The following ENOX1 variants were observed in gnomAD, a reference collection of about 807,000 sequenced individuals.
ENOX1 encodes candidate growth-related and time keeping constitutive hydroquinone (NADH) oxidase.
In ENOX1, 42 loss-of-function variants were observed where a neutral mutation model predicts 82.5. That is an observed-to-expected ratio of 0.51 (90% CI 0.40 to 0.66). The LOEUF (loss-of-function observed/expected upper bound fraction) is 0.66. Among genes scored for constraint, ENOX1 ranks in the 30% least tolerant of loss-of-function variants. ENOX1 has a pLI of 0.00. For missense variants in ENOX1, 608 were observed against 811.6 expected, an observed-to-expected ratio of 0.75 and a Z score of 3.05; for synonymous variants, 271 against 282.2, an observed-to-expected ratio of 0.96 and a Z score of 0.40.
At chr13:43,571,154 G>A (rs1162534367) in intron 2 of ENOX1, among the ~76,000 whole-genome samples, 3 of 152,192 alleles carry the variant, frequency 2.0e-5, no homozygotes, top group Non-Finnish European at 1.5e-5. Flanking sequence ...GCCTGCCACA[G>A]CAGAGGAGGA....
intron 1 of ENOX1, among the ~76,000 whole-genome samples, chr13:43,687,506 G>C (rs534691764): frequency 2.0e-5 from 3 of 152,232 alleles, no homozygotes; most frequent in African/African-American, 7.2e-5. Context: ...TACCCACCAA[G>C]CCAGCCTATT....
intron 3 of ENOX1, among the ~76,000 whole-genome samples, chr13:43,483,273 G>T (rs1055320464): frequency 2.5e-4 from 38 of 152,178 alleles, no homozygotes; most frequent in African/African-American, 9.2e-4. Flanking sequence ...TTTGAAAGAT[G>T]CATGGACTGA....
At chr13:43,715,821 C>G (rs1391287225) in intron 1 of ENOX1, among the ~76,000 whole-genome samples, 7 of 151,858 alleles carry the variant, frequency 4.6e-5, no homozygotes, top group Non-Finnish European at 8.8e-5. Context: ...GCTCCATCAG[C>G]TCCTTTAAGG....
chr13:43,303,910 C>A (rs768103523), intron 11 of ENOX1, among the ~76,000 whole-genome samples: 37 of 152,330 alleles, frequency 2.4e-4, no homozygotes, highest in Non-Finnish European at 3.8e-4. Context: ...ACTTTGAGAG[C>A]CACTGCTCAG....
intron 2 of ENOX1, among the ~76,000 whole-genome samples, chr13:43,658,201 T>G (rs1287584837): frequency 6.6e-6 from 1 of 152,244 alleles, no homozygotes; most frequent in Non-Finnish European, 1.5e-5. Context: ...TATTTGAAGT[T>G]TTATATCTAC....
Position 43,358,373 on chromosome 13 carries a change from C to T in ENOX1, c.589+1478G>A, listed in dbSNP as rs551515723. On this transcript the variant is annotated intron_variant, in intron 7 of 16. Transcript: ENST00000690772. ...AAATGTGTATCCAAAACACAGCATT[C>T]GAGGGATGTGAAACCCACATATTTG... Among the ~76,000 whole-genome samples the T allele has an allele frequency of 7.1e-5, 10 of 140,360 alleles. No individual in the cohort carries two copies. In the East Asian group the frequency reaches 1.7e-3, roughly 24 times the overall value. The allele number at this position is 140,360 out of a possible 152,430, so 92.1% of individuals were successfully genotyped here. A position where few individuals can be genotyped will look rare whatever the true frequency, so the allele number is the denominator to read the frequency against.
chr13:43,280,452 G>T (rs1002632793), intron 12 of ENOX1, among the ~76,000 whole-genome samples: 8 of 152,238 alleles, frequency 5.3e-5, no homozygotes, highest in African/African-American at 1.9e-4. Flanking sequence ...CTCTTTGGTT[G>T]CAGGTTTAGG....
intron 14 of ENOX1, among the ~76,000 whole-genome samples, chr13:43,248,095 C>T (rs2043241497): frequency 2.0e-5 from 3 of 150,418 alleles, no homozygotes; most frequent in South Asian, 4.3e-4. Context: ...CCGTGTTAGC[C>T]GGGATGGTCT....
intron 14 of ENOX1, among the ~76,000 whole-genome samples, chr13:43,243,166 T>C: frequency 6.8e-6 from 1 of 147,646 alleles, no homozygotes. Context: ...AAAATCTGAG[T>C]CCAGGTCCTT....
intron 2 of ENOX1, among the ~76,000 whole-genome samples, chr13:43,636,866 C>T (rs941717323): frequency 3.9e-5 from 6 of 152,074 alleles, no homozygotes; most frequent in Non-Finnish European, 7.4e-5. Flanking sequence ...GAAGAAGAGA[C>T]GGTAGGCAGG....
At chr13:43,361,860 G>T (rs971197883) in intron 5 of ENOX1, among the ~76,000 whole-genome samples, 1 of 151,808 alleles carries the variant, frequency 6.6e-6, no homozygotes, top group Non-Finnish European at 1.5e-5. Flanking sequence ...AATTGTCAAC[G>T]TGGTTTCATC....
At chr13:43,386,220 A>C (rs920896372) in intron 5 of ENOX1, among the ~76,000 whole-genome samples, 3 of 152,184 alleles carry the variant, frequency 2.0e-5, no homozygotes, top group African/African-American at 7.2e-5. Flanking sequence ...TTCTTTAAAC[A>C]ACAACAACAA....
chr13:43,325,720 T>A (rs1239455317), intron 10 of ENOX1, among the ~76,000 whole-genome samples: 1 of 152,198 alleles, frequency 6.6e-6, no homozygotes, highest in Non-Finnish European at 1.5e-5. Context: ...AAAGACAGTA[T>A]ACTTACTTTT....
chr13:43,603,236 T>C (rs1214861089), intron 2 of ENOX1, among the ~76,000 whole-genome samples: 1 of 152,088 alleles, frequency 6.6e-6, no homozygotes, highest in African/African-American at 2.4e-5. Context: ...TGTCATGCTA[T>C]ATTGTCATGC....
intron 5 of ENOX1, among the ~76,000 whole-genome samples, chr13:43,409,438 A>G (rs2053989221): frequency 6.6e-6 from 1 of 152,224 alleles, no homozygotes; most frequent in Non-Finnish European, 1.5e-5. Context: ...AAGGAGAAAG[A>G]AAGAAATAAG....
intron 1 of ENOX1, among the ~76,000 whole-genome samples, chr13:43,711,676 G>A (rs2087727704): frequency 6.6e-6 from 1 of 152,124 alleles, no homozygotes; most frequent in Non-Finnish European, 1.5e-5. Flanking sequence ...GGCCAGTGAT[G>A]ATGAGCATTT....
intron 1 of ENOX1, among the ~76,000 whole-genome samples, chr13:43,769,459 A>G (rs1314458499): frequency 6.6e-6 from 1 of 152,194 alleles, no homozygotes; most frequent in South Asian, 2.1e-4. Context: ...AGAATTTCAG[A>G]AAAACTACAG....
intron 14 of ENOX1, among the ~76,000 whole-genome samples, chr13:43,253,618 G>A (rs192354012): frequency 2.0e-5 from 3 of 152,284 alleles, no homozygotes; most frequent in Non-Finnish European, 4.4e-5. Flanking sequence ...AATCACTATG[G>A]AATATTTAAT....
intron 2 of ENOX1, among the ~76,000 whole-genome samples, chr13:43,514,580 C>G (rs1379718178): frequency 6.6e-6 from 1 of 152,094 alleles, no homozygotes; most frequent in Non-Finnish European, 1.5e-5. Context: ...GTTTCCTCCC[C>G]ACCCAAGTTC....
Sources: allele counts gnomAD v4.1 joint callset (sites outside exome capture counted in the v4.1 genomes callset), GRCh38; gene constraint gnomAD v4.1.1; transcripts MANE v1.5; gene names NCBI Gene and HGNC (gene_info 2026-07-23, HGNC 2026-07-21).